Variants in CNBD1 observed in about 807,000 individuals in gnomAD.
The protein encoded by CNBD1 is cyclic nucleotide-binding domain-containing protein 1.
In CNBD1, 71 loss-of-function variants were observed where a neutral mutation model predicts 54.4. The observed-to-expected ratio is 1.30, with a 90% CI of 1.08 to 1.59. The LOEUF is 1.59. Among genes scored for constraint, CNBD1 ranks in the 40% most tolerant of loss-of-function variants. The pLI is 0.00. For synonymous variants in CNBD1, 182 were observed against 170.7 expected (o/e 1.07, Z -0.51); for missense variants, 659 against 518.0 (o/e 1.27, Z -2.64).
chr8:87,133,587 G>A lies in CNBD1; in HGVS notation c.432-72406G>A, dbSNP rs576686097. ...TTCACTCAAGTTTTCTCTTCCCTTC[G>A]GGCCCTTCTGTGGGTTCATGTTCAT... On this transcript the variant is annotated intron_variant, in intron 4 of 10. Transcript: ENST00000518476. 5.9e-5 allele frequency among the ~76,000 whole-genome samples: 9 copies of A among 151,918 alleles called. No individual in the cohort carries two copies. In the South Asian group the frequency reaches 1.2e-3, roughly 21 times the overall value.
rs375450897 is a variant in CNBD1, at chr8:87,327,321, G to C, written c.1043-24364G>C. On this transcript the variant is annotated intron_variant, in intron 8 of 10. Transcript: ENST00000518476. The stretch of plus-strand genomic sequence containing the variant: ...GGCAGGCTGGCCTCCTTGAGCTGTG[G>C]TGGGCTCCACCCAGTTCGAGCTTCC... Among the ~76,000 whole-genome samples, 11 of 150,016 alleles carry C rather than the reference G, an allele frequency of 7.3e-5. No homozygotes were observed. In the South Asian group the frequency reaches 2.3e-3, roughly 32 times the overall value.
chr8:87,206,323 T>G (rs1032266170), intron 5 of CNBD1, among the ~76,000 whole-genome samples, 185 bp downstream of exon 5: 1 of 152,212 alleles, frequency 6.6e-6, no homozygotes, highest in African/African-American at 2.4e-5. Context: ...CACATTTTAG[T>G]ACTTAGAGTT....
chr8:87,180,405 T>TA (rs1339946520), intron 4 of CNBD1, among the ~76,000 whole-genome samples: 13 of 152,144 alleles, frequency 8.5e-5, no homozygotes, highest in African/African-American at 3.1e-4. Context: ...ATAAGCCTAA[T>TA]ACGTTACTGT....
At chr8:87,350,407 A>T (rs1405481953) in intron 8 of CNBD1, among the ~76,000 whole-genome samples, 1 of 151,992 alleles carries the variant, frequency 6.6e-6, no homozygotes, top group East Asian at 1.9e-4. Context: ...AATTATGCCA[A>T]CAAAATTATT....
At chr8:87,117,339 C>T (rs1811794021) in intron 4 of CNBD1, among the ~76,000 whole-genome samples, 1 of 145,412 alleles carries the variant, frequency 6.9e-6, no homozygotes, top group South Asian at 2.1e-4. Context: ...GCAGAGGTTG[C>T]AGTGAGCCGA....
At chr8:87,247,281 C>T (rs958580044) in intron 6 of CNBD1, among the ~76,000 whole-genome samples, 4 of 152,168 alleles carry the variant, frequency 2.6e-5, no homozygotes, top group African/African-American at 9.6e-5. Context: ...AGATCCATTC[C>T]TTCCCAGTTA....
intron 4 of CNBD1, among the ~76,000 whole-genome samples, chr8:87,071,667 T>C (rs1810761840): frequency 1.3e-5 from 2 of 152,114 alleles, no homozygotes; most frequent in Non-Finnish European, 2.9e-5. Context: ...GATTGCACTG[T>C]GGTTTGAGAG....
chr8:87,359,084 A>G (rs1253231447), intron 10 of CNBD1, among the ~76,000 whole-genome samples: 3 of 152,180 alleles, frequency 2.0e-5, no homozygotes, highest in Non-Finnish European at 4.4e-5. Flanking sequence ...AGCCCAGTCA[A>G]GGTGGCACAT....
chr8:86,941,730 G>A (rs748286247), intron 4 of CNBD1, among the ~76,000 whole-genome samples: 2 of 152,200 alleles, frequency 1.3e-5, no homozygotes, highest in African/African-American at 4.8e-5. Context: ...ACCGCGAAAA[G>A]CAGGAGCCAT....
At chr8:87,058,176 C>G (rs1810463225) in intron 4 of CNBD1, among the ~76,000 whole-genome samples, 3 of 152,218 alleles carry the variant, frequency 2.0e-5, no homozygotes, top group Admixed American at 2.0e-4. Flanking sequence ...TCTCCTTTGA[C>G]TCCACGTGTC....
chr8:87,344,296 T>C (rs949934859), intron 8 of CNBD1, among the ~76,000 whole-genome samples: 1 of 152,032 alleles, frequency 6.6e-6, no homozygotes, highest in Non-Finnish European at 1.5e-5. Flanking sequence ...GGTAAAATAA[T>C]AGTTTCAGAA....
At chr8:87,380,010 G>T (rs563650531) in intron 10 of CNBD1, among the ~76,000 whole-genome samples, 3 of 149,910 alleles carry the variant, frequency 2.0e-5, no homozygotes, top group Non-Finnish European at 2.9e-5. Context: ...TCATCCACTG[G>T]TGCCACTTGG....
chr8:87,229,535 T>A (rs1814617657), intron 5 of CNBD1, among the ~76,000 whole-genome samples: 1 of 152,168 alleles, frequency 6.6e-6, no homozygotes, highest in South Asian at 2.1e-4. Flanking sequence ...GACAATTTTA[T>A]AGTATTTTAA....
intron 2 of CNBD1, among the ~76,000 whole-genome samples, chr8:87,422,532 T>C: frequency 6.6e-6 from 1 of 152,082 alleles, no homozygotes; most frequent in East Asian, 1.9e-4. Context: ...AAATAGGGAA[T>C]CCTTTCCCCA....
chr8:86,937,690 A>C (rs906935190), intron 3 of CNBD1, among the ~76,000 whole-genome samples: 1 of 152,032 alleles, frequency 6.6e-6, no homozygotes, highest in Admixed American at 6.6e-5. Context: ...CCAAGTCCTG[A>C]GACTGCACAA....
At chr8:86,895,237 CTG>C (rs895945977) in intron 2 of CNBD1, among the ~76,000 whole-genome samples, 50 of 145,640 alleles carry the variant, frequency 3.4e-4, no homozygotes, top group Middle Eastern at 3.5e-3. Context: ...ATTTTTTTCT[CTG>C]TGTGTGTGTG....
intron 2 of CNBD1, among the ~76,000 whole-genome samples, chr8:87,395,704 T>C (rs1439748182): frequency 6.6e-6 from 1 of 151,866 alleles, no homozygotes; most frequent in African/African-American, 2.4e-5. Context: ...TAGAGGTTAA[T>C]GCAACACAGA....
rs4357308 is a variant in CNBD1, at chr8:87,107,021, G to T, written c.432-98972G>T. Among the ~76,000 whole-genome samples the T allele has an allele frequency of 8.4e-3, 1,271 of 151,834 alleles. 20 individuals carry two copies. Among genetic ancestry groups the T allele is most frequent in the African/African-American group, 0.026 (1,074 of 41,370 alleles). On this transcript the variant is annotated intron_variant, in intron 4 of 10. Transcript: ENST00000518476. ...TTTTTTGTATTTTTAGTAGAGATGGGGCTTCACCATCTTGGCCAGGTTGAT... is the reference window on the plus strand; with the variant it reads ...TTTTTTGTATTTTTAGTAGAGATGGTGCTTCACCATCTTGGCCAGGTTGAT...
At chr8:87,422,899 C>G (rs1355361242) in intron 2 of CNBD1, among the ~76,000 whole-genome samples, 1 of 152,074 alleles carries the variant, frequency 6.6e-6, no homozygotes, top group Non-Finnish European at 1.5e-5. Context: ...ATTCTTCCTA[C>G]CCATGAGCAT....
Sources: gnomAD v4.1 joint callset for allele counts (sites outside exome capture counted in the v4.1 genomes callset) on GRCh38, gnomAD v4.1.1 for gene constraint, MANE v1.5 for transcripts, NCBI Gene and HGNC (gene_info 2026-07-23, HGNC 2026-07-21) for gene names.